Variants in XRCC4 observed in about 807,000 individuals in gnomAD.
The protein encoded by XRCC4 is DNA repair protein XRCC4.
Under a neutral mutation model 39.1 loss-of-function variants are expected in XRCC4, and 28 were observed. The ratio of observed to expected loss-of-function variants is 0.72; its 90% CI spans 0.53 to 0.98. XRCC4 has a LOEUF of 0.98. XRCC4 is among the 50% of genes least tolerant of loss of function. The probability of loss-of-function intolerance (pLI) is 0.00; values close to 1 mark genes in which losing one functional copy is unlikely to be tolerated. For missense variants in XRCC4, 350 were observed against 376.4 expected (o/e 0.93, Z 0.58); for synonymous variants, 123 against 126.4 (o/e 0.97, Z 0.18).
At chr5:83,176,032 A>AAAC (rs1749939422) in intron 3 of XRCC4, among the ~76,000 whole-genome samples, 1 of 151,622 alleles carries the variant, frequency 6.6e-6, no homozygotes. Context: ...TGTCTATATA[A>AAAC]AATAATAATA....
intron 3 of XRCC4, among the ~76,000 whole-genome samples, chr5:83,140,594 T>C (rs1748123588): frequency 6.6e-6 from 1 of 152,222 alleles, no homozygotes; most frequent in African/African-American, 2.4e-5. Flanking sequence ...AGTTGACACG[T>C]AATATTAATC....
intron 6 of XRCC4, among the ~76,000 whole-genome samples, chr5:83,244,429 T>TGA (rs1309964010): frequency 6.6e-6 from 1 of 152,216 alleles, no homozygotes; most frequent in Admixed American, 6.5e-5. Flanking sequence ...GCATTTTCAG[T>TGA]GAAGTTCTAC....
chr5:83,310,754 T>C (rs1178758385), intron 7 of XRCC4: 2 of 456,492 alleles, frequency 4.4e-6, no homozygotes, highest in Non-Finnish European at 8.8e-6. Context: ...ATTATCTGGA[T>C]GAACCCTAAA....
intron 7 of XRCC4, among the ~76,000 whole-genome samples, chr5:83,262,496 A>G (rs1753787765): frequency 1.3e-5 from 2 of 152,094 alleles, no homozygotes; most frequent in South Asian, 2.1e-4. Flanking sequence ...TTGACTCAAT[A>G]TACAGAGAGA....
intron 3 of XRCC4, among the ~76,000 whole-genome samples, chr5:83,143,459 AATT>A (rs1240993750): frequency 1.3e-5 from 2 of 152,168 alleles, no homozygotes; most frequent in Non-Finnish European, 2.9e-5. Context: ...AAAAAAATAA[AATT>A]ATAAGAAAAT....
chr5:83,288,524 T>C (rs1266182102), intron 7 of XRCC4, among the ~76,000 whole-genome samples: 1 of 151,906 alleles, frequency 6.6e-6, no homozygotes, highest in Non-Finnish European at 1.5e-5. Context: ...TCTTTATTTC[T>C]CCTTCACTAT....
At chr5:83,360,918 T>A in the XRCC4 span, among the ~76,000 whole-genome samples, 1 of 152,162 alleles carries the variant, frequency 6.6e-6, no homozygotes, top group Non-Finnish European at 1.5e-5. Flanking sequence ...TTATATGGAA[T>A]AACAATTTTA....
chr5:83,315,509 G>A (rs1240087539), intron 7 of XRCC4, among the ~76,000 whole-genome samples: 1 of 152,138 alleles, frequency 6.6e-6, no homozygotes, highest in Non-Finnish European at 1.5e-5. Context: ...CTAGAAAGAA[G>A]TCAATTCTTG....
intron 7 of XRCC4, among the ~76,000 whole-genome samples, chr5:83,289,308 C>T (rs1176675170): frequency 6.6e-6 from 1 of 151,700 alleles, no homozygotes; most frequent in Non-Finnish European, 1.5e-5. Flanking sequence ...TGTTTTATTC[C>T]TTGCTTTCTG....
intron 6 of XRCC4, among the ~76,000 whole-genome samples, chr5:83,242,886 G>T (rs1752966391): frequency 6.6e-6 from 1 of 152,132 alleles, no homozygotes; most frequent in Admixed American, 6.5e-5. Flanking sequence ...TCCACAGTGA[G>T]ATTAAGTAGT....
At chr5:83,083,498 T>A (rs899570120) in intron 1 of XRCC4, among the ~76,000 whole-genome samples, 2 of 151,246 alleles carry the variant, frequency 1.3e-5, no homozygotes, top group African/African-American at 2.4e-5. Flanking sequence ...CTTCTCAGCC[T>A]CCTGAGTAGC....
intron 3 of XRCC4, among the ~76,000 whole-genome samples, chr5:83,185,516 T>A (rs1416901727): frequency 1.3e-5 from 2 of 151,648 alleles, no homozygotes; most frequent in Non-Finnish European, 2.9e-5. Flanking sequence ...TTTTGTTTAT[T>A]TTGGTTTGGA....
intron 7 of XRCC4, among the ~76,000 whole-genome samples, chr5:83,332,821 G>A (rs1756479161): frequency 6.6e-6 from 1 of 152,162 alleles, no homozygotes; most frequent in African/African-American, 2.4e-5. Context: ...ACATAATAAT[G>A]AAGGGAAAAG....
chr5:83,309,774 A>G (rs1755643399), intron 7 of XRCC4, among the ~76,000 whole-genome samples: 1 of 148,784 alleles, frequency 6.7e-6, no homozygotes, highest in East Asian at 1.9e-4. Context: ...AAAAAAAAAA[A>G]AAAAAAAGGG....
intron 7 of XRCC4, among the ~76,000 whole-genome samples, chr5:83,322,917 A>G (rs1462158822): frequency 1.3e-5 from 2 of 152,210 alleles, no homozygotes; most frequent in Non-Finnish European, 2.9e-5. Context: ...TAAACAACCA[A>G]GTTTGGGTAA....
At chr5:83,323,178 C>A (rs1197048786) in intron 7 of XRCC4, among the ~76,000 whole-genome samples, 1 of 150,970 alleles carries the variant, frequency 6.6e-6, no homozygotes, top group East Asian at 1.9e-4. Context: ...ATGCAGAAAC[C>A]AAAAAAATAT....
intron 7 of XRCC4, among the ~76,000 whole-genome samples, chr5:83,328,468 T>C (rs7706470): frequency 0.13 from 19,599 of 152,046 alleles, 2,890 homozygotes; most frequent in African/African-American, 0.36. Flanking sequence ...TTTCTATACA[T>C]CAGCATCAGA....
At chr5:83,176,949 G>A (rs1277733641) in intron 3 of XRCC4, among the ~76,000 whole-genome samples, 1 of 152,098 alleles carries the variant, frequency 6.6e-6, no homozygotes, top group East Asian at 1.9e-4. Context: ...ACCAGTTAAT[G>A]AAGTTGCATC....
At chr5:83,305,288 T>G (rs954575481) in intron 7 of XRCC4, among the ~76,000 whole-genome samples, 13 of 140,604 alleles carry the variant, frequency 9.2e-5, no homozygotes, top group African/African-American at 1.3e-4. Context: ...TAACTTCAGG[T>G]TTTTTTTTGT....
Sources: allele counts gnomAD v4.1 joint callset (sites outside exome capture counted in the v4.1 genomes callset), GRCh38; gene constraint gnomAD v4.1.1; transcripts MANE v1.5; gene names NCBI Gene and HGNC (gene_info 2026-07-23, HGNC 2026-07-21).